FAAP20: variants seen among roughly 807,000 people sequenced by gnomAD.
FAAP20 encodes Fanconi anemia core complex-associated protein 20.
Under a neutral mutation model 16.2 loss-of-function variants are expected in FAAP20, and 12 were observed. The ratio of observed to expected loss-of-function variants is 0.74; its 90% CI spans 0.48 to 1.20. The LOEUF (loss-of-function observed/expected upper bound fraction) is 1.20. Among genes scored for constraint, FAAP20 ranks in the 50% most tolerant of loss-of-function variants. The pLI is 0.00. For missense variants in FAAP20, 288 were observed against 245.8 expected (o/e 1.17, Z -1.15); for synonymous variants, 141 against 110.7 (o/e 1.27, Z -1.72).
chr1:2,185,612 G>A (rs909173317), downstream of FAAP20: 1 of 673,940 alleles, frequency 1.5e-6, no homozygotes, highest in African/African-American at 1.8e-5. Flanking sequence ...GTGGTCTAGG[G>A]TGAAGTGACA....
At position 2,194,004 on chromosome 1, in the gene FAAP20, TGGGAAGGC is replaced by T. The variant is rs767973909; in HGVS notation, c.184_191del (p.Ala62ArgfsTer12). The T allele has an allele frequency of 3.1e-6, 5 of 1,612,704 alleles. No homozygotes were observed. In the South Asian group the frequency reaches 5.5e-5, roughly 18 times the overall value. ...ATGGGCCCAGTGGGCACACCTGTCC[TGGGAAGGC>T]GGGCAGTGAAGGCACCTCGTGATCC... On this transcript the variant is annotated frameshift_variant, in exon 2 of 4. Transcript: ENST00000378546. LOFTEE classifies it high-confidence loss of function.
chr1:2,204,654 T>C (rs998941784), upstream of FAAP20, among the ~76,000 whole-genome samples: 6 of 151,746 alleles, frequency 4.0e-5, no homozygotes, highest in Admixed American at 3.3e-4. Context: ...TCCCTCCCAC[T>C]GCCCCTGACC....
chr1:2,198,962 GCAGAGCA>G (rs1384300315), upstream of FAAP20: 1 of 1,289,004 alleles, frequency 7.8e-7, no homozygotes, highest in East Asian at 5.6e-5. Context: ...CTTTGGGGCA[GCAGAGCA>G]GGTGCTCGGG....
At position 2,189,664 on chromosome 1, in the gene FAAP20, A is replaced by C. The variant is rs1408809424; in HGVS notation, c.*45T>G. 5 of 1,514,754 alleles carry C rather than the reference A, an allele frequency of 3.3e-6. No individual in the cohort carries two copies. Among genetic ancestry groups the C allele is most frequent in the Middle Eastern group, 2.1e-4 (1 of 4,674 alleles). 93.8% of individuals were successfully genotyped at this position (1,514,754 alleles called of 1,614,324 possible). A position where few individuals can be genotyped will look rare whatever the true frequency, so the allele number is the denominator to read the frequency against. On this transcript the variant is annotated 3_prime_UTR_variant, in exon 4 of 4. Transcript: ENST00000378546. ...AGAGGCGGGGCTGCTGGCGGGGGAG[A>C]GCGTGTCCGGGCGCCGCACTCTGCG...
chr1:2,209,831 C>T (rs551897671), downstream of FAAP20, among the ~76,000 whole-genome samples: 2 of 152,314 alleles, frequency 1.3e-5, no homozygotes, highest in East Asian at 1.9e-4. Context: ...CCCAGCCTTC[C>T]AGCCTCCCTC....
At chr1:2,209,210 G>A (rs547692788), downstream of FAAP20, among the ~76,000 whole-genome samples, 1 of 151,688 alleles carries the variant, frequency 6.6e-6, no homozygotes, top group Non-Finnish European at 1.5e-5. Context: ...ACCAAGCACC[G>A]TCCTGCCCCC....
chr1:2,185,460 A>AGGGGGGCAGCTT, downstream of FAAP20: 1 of 718,542 alleles, frequency 1.4e-6, no homozygotes, highest in Non-Finnish European at 2.6e-6. Context: ...ACCCACACGT[A>AGGGGGGCAGCTT]GGGGGGCAGC....
At chr1:2,186,761 G>A (rs904483401), downstream of FAAP20, 3 of 155,414 alleles carry the variant, frequency 1.9e-5, no homozygotes, top group African/African-American at 4.8e-5. Flanking sequence ...GAGACCCCCA[G>A]TGTATCCCAG....
rs534623868 is a variant in FAAP20 at position 2,205,535 on chromosome 1, C to G, written n.451+770G>C. Among the ~76,000 whole-genome samples, 33 of 152,188 alleles carry G rather than the reference C, an allele frequency of 2.2e-4. No homozygotes were observed. In the South Asian group the frequency reaches 6.6e-3, roughly 31 times the overall value. On this transcript the variant is annotated intron_variant and non_coding_transcript_variant, in intron 3 of 7. Transcript: ENST00000469733. ...GCTTCCGGGGCGGCCGTGCAAGAGG[C>G]GTGGGAAGCGCGCGGGGGGTTCTGA... is the stretch of plus-strand genomic sequence containing the variant.
intron 3 of FAAP20, chr1:2,192,163 G>A (rs1020425851): frequency 2.0e-6 from 2 of 985,798 alleles, no homozygotes; most frequent in Admixed American, 6.1e-5. Context: ...CTGGGGTCCT[G>A]TGCGGTCAGG....
downstream of FAAP20, chr1:2,187,294 TTTC>T (rs1413965047): frequency 4.9e-6 from 2 of 406,916 alleles, no homozygotes; most frequent in Non-Finnish European, 9.9e-6. Context: ...TCTTTTTTTT[TTTC>T]TTTTTCTTTT....
downstream of FAAP20, chr1:2,185,455 C>T (rs1039611891): frequency 8.4e-6 from 6 of 718,524 alleles, 1 homozygote; most frequent in South Asian, 3.0e-5. Flanking sequence ...ACGCAACCCA[C>T]ACGTAGGGGG....
At chr1:2,195,720 C>T (rs566834624), upstream of FAAP20, among the ~76,000 whole-genome samples, 322 of 152,364 alleles carry the variant, frequency 2.1e-3, 1 homozygote, top group South Asian at 6.8e-3. Context: ...CCAGGCCACC[C>T]GAGTGGCCCA....
At chr1:2,194,615 G>T in intron 1 of FAAP20, 73 bp downstream of exon 1, 1 of 846,912 alleles carries the variant, frequency 1.2e-6, no homozygotes, top group Non-Finnish European at 1.5e-6. Context: ...TAGAGCGGGA[G>T]GCCCGCGGGG....
At chr1:2,198,837 C>T (rs190527875), upstream of FAAP20, 348 of 1,289,788 alleles carry the variant, frequency 2.7e-4, 1 homozygote, top group African/African-American at 4.8e-3. Context: ...CCTGCTGGCC[C>T]GTGGATGCCA....
downstream of FAAP20, chr1:2,185,399 C>T: frequency 1.4e-6 from 1 of 718,844 alleles, no homozygotes; most frequent in Non-Finnish European, 2.6e-6. Context: ...TGTGGAAGCT[C>T]CTCTGATGCC....
At chr1:2,201,966 G>GAGATAGTGCCACTGCCCTCC (rs1349156386), upstream of FAAP20, among the ~76,000 whole-genome samples, 50 of 144,642 alleles carry the variant, frequency 3.5e-4, 1 homozygote, top group African/African-American at 1.2e-3. Context: ...GCAGTGAGCC[G>GAGATAGTGCCACTGCCCTCC]AGATAGTGCC....
At chr1:2,193,384 C>A in intron 3 of FAAP20, 1 of 590,110 alleles carries the variant, frequency 1.7e-6, no homozygotes, top group Non-Finnish European at 2.8e-6. Flanking sequence ...GGGGCCAGTG[C>A]TCCCAGCCTT....
At chr1:2,199,763 T>C (rs1004931306), upstream of FAAP20, 5 of 466,366 alleles carry the variant, frequency 1.1e-5, no homozygotes, top group Non-Finnish European at 1.4e-5. The surrounding 1 kb of genome is among the most constrained non-coding windows in gnomAD (Gnocchi z 4.5). Context: ...CTGAATGCAG[T>C]GTGAGCAGTG....
Sources: gnomAD v4.1 joint callset for allele counts (sites outside exome capture counted in the v4.1 genomes callset) on GRCh38, gnomAD v4.1.1 for gene constraint, Gnocchi (gnomAD v3.1) non-coding constraint, MANE v1.5 for transcripts, NCBI Gene and HGNC (gene_info 2026-07-23, HGNC 2026-07-21) for gene names.